The following ITPRID1 variants were observed in gnomAD, a reference collection of about 807,000 sequenced individuals.
ITPRID1 encodes the protein ITPR interacting domain containing 1.
ITPRID1 carries 96 observed loss-of-function variants against 95.4 expected under a neutral mutation model. The observed-to-expected ratio is 1.01, with a 90% CI of 0.85 to 1.19. The LOEUF (loss-of-function observed/expected upper bound fraction) is 1.19. Ranked by LOEUF, ITPRID1 falls within the 50% of genes most tolerant of loss-of-function variation. The pLI, the probability that ITPRID1 is intolerant of heterozygous loss-of-function variation, is 0.00. For synonymous variants in ITPRID1, 510 were observed against 453.6 expected, an observed-to-expected ratio of 1.12 and a Z score of -1.58; for missense variants, 1,339 against 1,252.9, an observed-to-expected ratio of 1.07 and a Z score of -1.04.
chr7:31,581,513 C>A, intron 9 of ITPRID1, among the ~76,000 whole-genome samples: 1 of 152,094 alleles, frequency 6.6e-6, no homozygotes, highest in East Asian at 1.9e-4. Context: ...CTCCTGTTTG[C>A]ATATAAGCAT....
chr7:31,563,578 G>A (rs779167759), intron 5 of ITPRID1, among the ~76,000 whole-genome samples: 1 of 152,198 alleles, frequency 6.6e-6, no homozygotes, highest in East Asian at 1.9e-4. Context: ...CAGGTGTGGT[G>A]TTGTGGGAGT....
intron 5 of ITPRID1, among the ~76,000 whole-genome samples, chr7:31,557,760 CT>C (rs1350161813): frequency 6.6e-6 from 1 of 152,154 alleles, no homozygotes; most frequent in East Asian, 1.9e-4. Context: ...GGTAAAGTAA[CT>C]TGACAAAAGC....
chr7:31,533,035 TA>T (rs1783650202), intron 1 of ITPRID1, among the ~76,000 whole-genome samples: 1 of 152,156 alleles, frequency 6.6e-6, no homozygotes, highest in African/African-American at 2.4e-5. Flanking sequence ...GAATTGAAAA[TA>T]TTTTTTTTCT....
chr7:31,584,372 C>T (rs1785512292), intron 10 of ITPRID1, among the ~76,000 whole-genome samples: 1 of 152,190 alleles, frequency 6.6e-6, no homozygotes, highest in Non-Finnish European at 1.5e-5. Flanking sequence ...GAAGTAATTA[C>T]CACATAACCT....
At chr7:31,629,531 A>G (rs534467390) in intron 10 of ITPRID1, among the ~76,000 whole-genome samples, 3 of 152,180 alleles carry the variant, frequency 2.0e-5, no homozygotes, top group East Asian at 1.9e-4. Context: ...TTTTTCAACA[A>G]TTTTTAAGGT....
At chr7:31,592,374 C>G (rs1019184) in intron 10 of ITPRID1, among the ~76,000 whole-genome samples, 12,613 of 152,270 alleles carry the variant, frequency 0.083, 641 homozygotes, top group Middle Eastern at 0.13. Context: ...GCATCTATCT[C>G]ATGGGATTGT....
At chr7:31,610,616 G>A (rs1583569743) in intron 10 of ITPRID1, among the ~76,000 whole-genome samples, 1 of 151,372 alleles carries the variant, frequency 6.6e-6, no homozygotes, top group Non-Finnish European at 1.5e-5. Context: ...GTTTAATTGG[G>A]ACTCTGTTTT....
At chr7:31,533,145 C>T (rs6966549) in intron 1 of ITPRID1, among the ~76,000 whole-genome samples, 88,204 of 151,364 alleles carry the variant, frequency 0.58, 26,702 homozygotes, top group Middle Eastern at 0.71. Flanking sequence ...CCAGGGTTTC[C>T]CCGTGAGAAG....
At chr7:31,598,274 T>C (rs1786172193) in intron 10 of ITPRID1, among the ~76,000 whole-genome samples, 1 of 152,044 alleles carries the variant, frequency 6.6e-6, no homozygotes, top group African/African-American at 2.4e-5. Flanking sequence ...ATCATAATTG[T>C]CAACATTGGT....
At chr7:31,576,570 T>G (rs925916225) in intron 8 of ITPRID1, among the ~76,000 whole-genome samples, 42 of 152,350 alleles carry the variant, frequency 2.8e-4, no homozygotes, top group African/African-American at 9.6e-4. Flanking sequence ...ATCAGAATTA[T>G]TCTGAAACAT....
At chr7:31,621,914 A>G (rs1787944797) in intron 10 of ITPRID1, among the ~76,000 whole-genome samples, 1 of 151,534 alleles carries the variant, frequency 6.6e-6, no homozygotes. Context: ...AGGAAGATCT[A>G]CCAAGCCAAT....
intron 5 of ITPRID1, among the ~76,000 whole-genome samples, chr7:31,564,633 A>G (rs1458912581): frequency 6.6e-6 from 1 of 152,128 alleles, no homozygotes; most frequent in Non-Finnish European, 1.5e-5. Flanking sequence ...GCCTGCAGAA[A>G]CCTGGGAAAA....
intron 1 of ITPRID1, among the ~76,000 whole-genome samples, chr7:31,542,233 T>A (rs1269784179): frequency 6.6e-6 from 1 of 152,202 alleles, no homozygotes; most frequent in African/African-American, 2.4e-5. Context: ...GAAGTGCAGA[T>A]AAGGTCTGAC....
At chr7:31,528,749 C>A (rs1199524694) in intron 1 of ITPRID1, among the ~76,000 whole-genome samples, 1 of 152,182 alleles carries the variant, frequency 6.6e-6, no homozygotes, top group African/African-American at 2.4e-5. Context: ...GCCTCCTCCC[C>A]TCTTTCCCCT....
intron 12 of ITPRID1, among the ~76,000 whole-genome samples, chr7:31,650,463 G>A (rs560791159): frequency 2.0e-5 from 3 of 152,182 alleles, no homozygotes; most frequent in Non-Finnish European, 4.4e-5. Context: ...CAGCCTGAGA[G>A]AGAAAGTAAG....
chr7:31,542,474 G>A (rs1169426259), intron 1 of ITPRID1, among the ~76,000 whole-genome samples: 1 of 151,928 alleles, frequency 6.6e-6, no homozygotes, highest in East Asian at 1.9e-4. Context: ...ATTTACTTTA[G>A]GACAAGAATT....
At chr7:31,603,054 T>C (rs1313020639) in intron 10 of ITPRID1, among the ~76,000 whole-genome samples, 1 of 152,096 alleles carries the variant, frequency 6.6e-6, no homozygotes, top group African/African-American at 2.4e-5. Context: ...CCACACTTCA[T>C]AAAGTCGAGA....
intron 10 of ITPRID1, among the ~76,000 whole-genome samples, chr7:31,595,061 T>C (rs1786024405): frequency 6.6e-6 from 1 of 151,182 alleles, no homozygotes. Flanking sequence ...AAAGATTCTT[T>C]TATAATTTCT....
In ITPRID1 at chr7:31,574,688, G is replaced by A. The variant is rs974934300; in HGVS notation, c.544G>A (p.Val182Ile). 4.3e-6 allele frequency: 7 copies of A among 1,613,722 alleles called. No homozygotes were observed. The African/African-American group carries it at 9.3e-5, about 22-fold the overall frequency. ...AGCAGCCAGAGGAATCAACATCCGT[G>A]TTTTTCTTGAAGCTCAAAAGCAGCG... ...GSAARGINIR[V>I]FLEAQKQRMD... The change falls in exon 8 of 15, where the codon GTT becomes ATT. Residue 182 changes from valine to isoleucine, a missense_variant. Val to Ile is a conservative substitution (Grantham distance 29). Transcript: ENST00000615280.
Sources: allele counts gnomAD v4.1 joint callset (sites outside exome capture counted in the v4.1 genomes callset), GRCh38; gene constraint gnomAD v4.1.1; transcripts MANE v1.5; gene names NCBI Gene and HGNC (gene_info 2026-07-23, HGNC 2026-07-21).